The following TNNI3K variants were observed in gnomAD, a reference collection of about 807,000 sequenced individuals.
TNNI3K encodes the protein TNNI3 interacting kinase, also known as serine/threonine-protein kinase TNNI3K.
In TNNI3K, 140 loss-of-function variants were observed where a neutral mutation model predicts 114.5. That is an observed-to-expected ratio of 1.22 (90% CI 1.07 to 1.41). The LOEUF (loss-of-function observed/expected upper bound fraction) is 1.41, where lower values mean the gene tolerates loss of function less well. Among genes scored for constraint, TNNI3K ranks in the 40% most tolerant of loss-of-function variants. TNNI3K has a pLI of 0.00. For synonymous variants in TNNI3K, 347 were observed against 347.5 expected (o/e 1.00, Z 0.02); for missense variants, 1,125 against 1,007.6 (o/e 1.12, Z -1.58).
At position 74,249,301 on chromosome 1, in the gene TNNI3K, A is replaced by G. The variant is rs374430428; in HGVS notation, c.150-158A>G. On this transcript the variant is annotated intron_variant, in intron 2 of 24. Transcript: ENST00000326637. ...AATTTCCTCTCAATTTTAATTCTTC[A>G]TATAGAGGGTTCAAGATTCTTTCTG... Among the ~76,000 whole-genome samples, 4 of 152,216 alleles carry G rather than the reference A, an allele frequency of 2.6e-5. No individual in the cohort carries two copies. The South Asian group carries it at 8.3e-4, about 32-fold the overall frequency.
In TNNI3K at chr1:74,464,350, C is replaced by G. The variant is rs181522189; in HGVS notation, c.2121+800C>G. Among the ~76,000 whole-genome samples the G allele has an allele frequency of 2.4e-4, 37 of 152,258 alleles. No individual in the cohort carries two copies. In the East Asian group the frequency reaches 6.9e-3, roughly 29 times the overall value. ...AAAATCCTTGTGTTTTGATATCAAT[C>G]GATTCCATTGCTCAGAGTGGAGAGT... On this transcript the variant is annotated intron_variant, in intron 21 of 24. Transcript: ENST00000326637.
rs544104456 is a variant in TNNI3K, at chr1:74,462,048, A to C, written c.2012-1393A>C. ...TATATTGACATAAGGTCAATGATGT[A>C]AAGTATAAGAAATATGTGAAATATT... On this transcript the variant is annotated intron_variant, in intron 20 of 24. Coordinates refer to ENST00000326637, the MANE Select transcript of TNNI3K (RefSeq NM_015978.3). 5.6e-4 allele frequency among the ~76,000 whole-genome samples: 86 copies of C among 152,346 alleles called. 1 individual carries two copies. The highest frequency in any genetic ancestry group is 1.7e-3 in the African/African-American group (72 of 41,582).
intron 17 of TNNI3K, among the ~76,000 whole-genome samples, chr1:74,411,618 CCTA>C (rs1244667056): frequency 6.6e-6 from 1 of 151,908 alleles, no homozygotes; most frequent in Non-Finnish European, 1.5e-5. Context: ...TTTTTGATTG[CCTA>C]CTATGTGTCT....
chr1:74,306,927 T>G (rs1304176364), intron 5 of TNNI3K, among the ~76,000 whole-genome samples: 1 of 152,212 alleles, frequency 6.6e-6, no homozygotes, highest in Non-Finnish European at 1.5e-5. Context: ...AATCATAAAT[T>G]ATTTGCCTAG....
chr1:74,353,222 A>C (rs1324300907), intron 9 of TNNI3K, 44 bp from the exon 10 acceptor site: 2 of 1,598,088 alleles, frequency 1.3e-6, no homozygotes, highest in Non-Finnish European at 1.7e-6. Flanking sequence ...TTAGTTCATA[A>C]CAAGGACCTT....
chr1:74,285,922 A>T (rs1023724150), intron 5 of TNNI3K, among the ~76,000 whole-genome samples: 1 of 152,236 alleles, frequency 6.6e-6, no homozygotes, highest in African/African-American at 2.4e-5. Context: ...GATGACAATT[A>T]AGTGATGTCA....
chr1:74,540,114 G>A (rs1646708292), intron 23 of TNNI3K, 120 bp from the exon 24 acceptor site: 3 of 1,027,492 alleles, frequency 2.9e-6, no homozygotes, highest in Non-Finnish European at 1.4e-6. Flanking sequence ...TAAGATAAAA[G>A]CTGCTTTGTA....
intron 23 of TNNI3K, among the ~76,000 whole-genome samples, chr1:74,539,965 A>C (rs1413622781): frequency 1.3e-5 from 2 of 152,146 alleles, no homozygotes; most frequent in Non-Finnish European, 2.9e-5. Context: ...TTTTACAGGT[A>C]AATAAACTGA....
At chr1:74,264,707 T>A (rs548186493) in intron 4 of TNNI3K, among the ~76,000 whole-genome samples, 2 of 152,010 alleles carry the variant, frequency 1.3e-5, no homozygotes, top group South Asian at 2.1e-4. Context: ...CAGAAAAAAA[T>A]TTAGCCCAAC....
chr1:74,440,598 G>A (rs1666334598), intron 20 of TNNI3K, among the ~76,000 whole-genome samples: 1 of 151,902 alleles, frequency 6.6e-6, no homozygotes, highest in African/African-American at 2.4e-5. Context: ...CTACCATATG[G>A]TCTTTTAATT....
intron 17 of TNNI3K, among the ~76,000 whole-genome samples, chr1:74,407,462 T>A (rs982621996): frequency 6.6e-6 from 1 of 152,204 alleles, no homozygotes; most frequent in Non-Finnish European, 1.5e-5. Flanking sequence ...AACGTTTTTT[T>A]ATTCAGGAAA....
At chr1:74,478,039 T>A (rs1352129233) in intron 21 of TNNI3K, among the ~76,000 whole-genome samples, 1 of 152,180 alleles carries the variant, frequency 6.6e-6, no homozygotes, top group African/African-American at 2.4e-5. Context: ...GCTATTTATG[T>A]TCTTTGGAAT....
intron 23 of TNNI3K, among the ~76,000 whole-genome samples, chr1:74,517,716 C>T (rs907687898): frequency 2.9e-4 from 44 of 151,888 alleles, no homozygotes; most frequent in African/African-American, 8.9e-4. Flanking sequence ...ACTGGTAAAC[C>T]GAAAAAGGAT....
At chr1:74,253,871 G>C (rs551574411) in intron 4 of TNNI3K, among the ~76,000 whole-genome samples, 2 of 152,268 alleles carry the variant, frequency 1.3e-5, no homozygotes, top group East Asian at 3.9e-4. Context: ...CACCAAGAGC[G>C]AGCGAGGGCT....
chr1:74,410,669 G>T (rs572851035), intron 17 of TNNI3K, among the ~76,000 whole-genome samples: 1 of 152,294 alleles, frequency 6.6e-6, no homozygotes, highest in South Asian at 2.1e-4. Context: ...TCTAAGAAGA[G>T]AATTTTTTTA....
intron 2 of TNNI3K, among the ~76,000 whole-genome samples, chr1:74,237,321 A>G (rs368006915): frequency 1.8e-4 from 27 of 152,096 alleles, no homozygotes; most frequent in African/African-American, 6.3e-4. Context: ...AAATTCCTGT[A>G]GAAATATGAC....
intron 21 of TNNI3K, 115 bp from the exon 22 acceptor site, chr1:74,489,074 A>G: frequency 1.3e-6 from 1 of 790,182 alleles, no homozygotes; most frequent in Non-Finnish European, 2.0e-6. Context: ...TTAAATAAAA[A>G]TATACTTTAT....
chr1:74,415,104 G>C (rs908048855), intron 17 of TNNI3K, among the ~76,000 whole-genome samples: 17 of 152,034 alleles, frequency 1.1e-4, no homozygotes, highest in African/African-American at 3.9e-4. Flanking sequence ...CCTCTATTTT[G>C]TTCCTGAACA....
At chr1:74,387,716 G>T (rs1230501566) in intron 17 of TNNI3K, among the ~76,000 whole-genome samples, 2 of 152,180 alleles carry the variant, frequency 1.3e-5, no homozygotes, top group Admixed American at 1.3e-4. Context: ...CGGTATCGAG[G>T]CGTAATCCCA....
Sources: allele counts gnomAD v4.1 joint callset (sites outside exome capture counted in the v4.1 genomes callset), GRCh38; gene constraint gnomAD v4.1.1; transcripts MANE v1.5; gene names NCBI Gene and HGNC (gene_info 2026-07-23, HGNC 2026-07-21).